The following ZNF292 variants were observed in gnomAD, a reference collection of about 807,000 sequenced individuals.
ZNF292 encodes the protein zinc finger protein 292, also known as 16 zinc-finger domain protein.
A neutral mutation model predicts 217.9 loss-of-function variants in ZNF292; 26 were observed. The observed-to-expected ratio is 0.12, with a 90% CI of 0.09 to 0.17. ZNF292 has a LOEUF of 0.17. ZNF292 is among the 10% of genes least tolerant of loss of function. ZNF292 has a pLI of 1.00. For missense variants in ZNF292, 2,904 were observed against 3,175.2 expected (o/e 0.91, Z 2.05); for synonymous variants, 1,257 against 1,124.1 (o/e 1.12, Z -2.37).
chr6:87,199,652 T>TG (rs1304106699), intron 1 of ZNF292, among the ~76,000 whole-genome samples: 1 of 152,228 alleles, frequency 6.6e-6, no homozygotes, highest in African/African-American at 2.4e-5. Context: ...TTTTTATGCA[T>TG]GTAGATATTC....
At chr6:87,212,380 C>T (rs1003859428) in intron 1 of ZNF292, among the ~76,000 whole-genome samples, 1 of 152,160 alleles carries the variant, frequency 6.6e-6, no homozygotes, top group Non-Finnish European at 1.5e-5. Context: ...TCAATCTCTG[C>T]CCCTTTACCT....
At chr6:87,156,918 A>C (rs1770562959) in intron 1 of ZNF292, among the ~76,000 whole-genome samples, 1 of 152,238 alleles carries the variant, frequency 6.6e-6, no homozygotes, top group African/African-American at 2.4e-5. Flanking sequence ...AGGAAAAAGA[A>C]GACACAATTT....
In ZNF292 at chr6:87,222,974, G is replaced by A. The variant is rs536505855; in HGVS notation, c.538+4243G>A. 5.2e-4 allele frequency: 154 copies of A among 296,452 alleles called. 2 individuals are homozygous for A. The highest frequency in any genetic ancestry group is 4.9e-3 in the South Asian group (151 of 31,040). 18.4% of individuals were successfully genotyped at this position (296,452 alleles called of 1,614,324 possible). ...AGACTGGGGTTATGGGTTTTGAGGA[G>A]GAAGACCAGAAAGGTAAAGTACCAT... On this transcript the variant is annotated intron_variant, in intron 4 of 7. Transcript: ENST00000369577.
At chr6:87,166,411 G>T (rs1376353346) in intron 1 of ZNF292, among the ~76,000 whole-genome samples, 1 of 152,086 alleles carries the variant, frequency 6.6e-6, no homozygotes, top group Non-Finnish European at 1.5e-5. Context: ...TGCTTTCTTT[G>T]AAAAAATAAG....
chr6:87,246,178 C>T (rs1321269406), intron 7 of ZNF292, among the ~76,000 whole-genome samples: 1 of 152,204 alleles, frequency 6.6e-6, no homozygotes, highest in Non-Finnish European at 1.5e-5. Context: ...TTGCAGTGAG[C>T]TGAGATCGTG....
intron 4 of ZNF292, among the ~76,000 whole-genome samples, chr6:87,226,306 G>A (rs1381037686): frequency 6.6e-6 from 1 of 151,976 alleles, no homozygotes; most frequent in Non-Finnish European, 1.5e-5. Context: ...TGGGAAATAA[G>A]CCCTTATTTA....
At chr6:87,194,006 G>A (rs527728126) in intron 1 of ZNF292, among the ~76,000 whole-genome samples, 1 of 152,240 alleles carries the variant, frequency 6.6e-6, no homozygotes, top group Middle Eastern at 3.4e-3. Context: ...TGGAGGAAGA[G>A]GAAAAACAAG....
intron 1 of ZNF292, among the ~76,000 whole-genome samples, chr6:87,158,538 G>A (rs1770620125): frequency 6.6e-6 from 1 of 152,184 alleles, no homozygotes; most frequent in African/African-American, 2.4e-5. Context: ...GCCAGGCGCT[G>A]TGGCGAGTGC....
At chr6:87,157,587 G>T (rs189761767) in intron 1 of ZNF292, among the ~76,000 whole-genome samples, 1 of 152,266 alleles carries the variant, frequency 6.6e-6, no homozygotes, top group Admixed American at 6.5e-5. Flanking sequence ...TTTGTAAGCA[G>T]GATTAATAAT....
At chr6:87,205,396 A>G (rs1027875154) in intron 1 of ZNF292, among the ~76,000 whole-genome samples, 1 of 152,080 alleles carries the variant, frequency 6.6e-6, no homozygotes, top group Non-Finnish European at 1.5e-5. Context: ...TTTTCTATAA[A>G]AATTGTATGA....
rs139537122 is a variant in ZNF292, at chr6:87,227,419, T to A, written c.539-5906T>A. Among the ~76,000 whole-genome samples, 967 of 151,562 alleles carry A rather than the reference T, an allele frequency of 6.4e-3. 13 individuals carry two copies. The highest frequency in any genetic ancestry group is 0.013 in the African/African-American group (532 of 40,928). On this transcript the variant is annotated intron_variant, in intron 4 of 7. Transcript: ENST00000369577. ...CCAACAATGCTGAATTGTGTTTTTTTAAATATATTTTTAATTGTGGTAAAA... is the reference window on the plus strand; with the variant it reads ...CCAACAATGCTGAATTGTGTTTTTTAAAATATATTTTTAATTGTGGTAAAA...
In ZNF292 at chr6:87,259,707, A is replaced by G. The variant is rs1256548219; in HGVS notation, c.6078A>G (p.Arg2026=). 11 of 1,601,806 alleles carry G rather than the reference A, an allele frequency of 6.9e-6. No homozygotes were observed. The highest frequency in any genetic ancestry group is 1.3e-5 in the African/African-American group (1 of 74,806). ...AATCTCAGCCTGCTTTAGAATTGAGAGCAGAGACCCAAAATACCCACAGTA... is the reference window on the plus strand; with the variant it reads ...AATCTCAGCCTGCTTTAGAATTGAGGGCAGAGACCCAAAATACCCACAGTA... ...KKESQPALEL[R]AETQNTHSNV... is the part of the protein sequence containing the mutation. Residue 2026 remains arginine, a synonymous_variant, in exon 8 of 8, where the codon AGA becomes AGG. Transcript: ENST00000369577.
chr6:87,191,105 C>T (rs1249237717), intron 1 of ZNF292, among the ~76,000 whole-genome samples: 1 of 151,852 alleles, frequency 6.6e-6, no homozygotes, highest in Non-Finnish European at 1.5e-5. Context: ...AAATCTTGGT[C>T]ATGATTCCAT....
At chr6:87,173,114 G>A (rs1256071973) in intron 1 of ZNF292, among the ~76,000 whole-genome samples, 2 of 151,818 alleles carry the variant, frequency 1.3e-5, no homozygotes, top group African/African-American at 4.8e-5. Flanking sequence ...AGTGACAGCA[G>A]CTCTTACTTT....
rs774815601 is a variant in ZNF292 at position 87,256,809 on chromosome 6, T to G, written c.3180T>G (p.Leu1060=). The part of the protein sequence containing the change: ...CGDNVKTSSN[L]YNLPLKTLES... ...ATAATGTTAAAACATCATCCAATCT[T>G]TATAATTTACCTCTTAAGACATTAG... The change falls in exon 8 of 8, where the codon CTT becomes CTG. Residue 1060 remains leucine, a synonymous_variant. Coordinates refer to ENST00000369577, the MANE Select transcript of ZNF292 (RefSeq NM_015021.3). 3.7e-6 allele frequency: 6 copies of G among 1,613,414 alleles called. No homozygotes were observed. The highest frequency in any genetic ancestry group is 1.3e-5 in the African/African-American group (1 of 74,918).
rs780722274 is a variant in ZNF292 at position 87,257,856 on chromosome 6, T to C, written c.4227T>C (p.Ala1409=). The part of the protein sequence containing the change: ...YCKPLDGAEI[A]QELLQSNGQP... ...AACCACTGGATGGAGCCGAAATTGC[T>C]CAAGAACTTCTACAGAGTAATGGAC... Residue 1409 remains alanine (A), a synonymous_variant, in exon 8 of 8, where the codon GCT becomes GCC. Transcript: ENST00000369577. The C allele has an allele frequency of 8.3e-5, 134 of 1,613,736 alleles. No individual in the cohort carries two copies. Among genetic ancestry groups the C allele is most frequent in the Non-Finnish European group, 1.1e-4 (129 of 1,179,800 alleles).
chr6:87,247,843 A>T (rs1020640403), intron 7 of ZNF292, among the ~76,000 whole-genome samples: 1 of 152,220 alleles, frequency 6.6e-6, no homozygotes, highest in Non-Finnish European at 1.5e-5. Flanking sequence ...AAGTATCAAA[A>T]TGACCAAGCA....
In ZNF292 at chr6:87,257,994, G is replaced by C. The variant is rs767161284; in HGVS notation, c.4365G>C (p.Gln1455His). ...EACFKDPSFLQLLAENRSPAF... is the reference protein window; with the variant it reads ...EACFKDPSFLHLLAENRSPAF... Reference sequence around the variant, plus strand: ...GTTTTAAAGATCCATCATTTCTACAGCTTCTTGCTGAAAATCGCTCGCCAG... The same window carrying C: ...GTTTTAAAGATCCATCATTTCTACACCTTCTTGCTGAAAATCGCTCGCCAG... Residue 1455 changes from glutamine to histidine, a missense_variant, in exon 8 of 8, where the codon CAG becomes CAC. By Grantham distance (24) the Gln-to-His change is conservative. Transcript: ENST00000369577. The C allele has an allele frequency of 1.2e-6, 2 of 1,613,792 alleles. No homozygotes were observed. Among genetic ancestry groups the C allele is most frequent in the African/African-American group, 2.7e-5 (2 of 74,914 alleles).
At chr6:87,208,980 A>C (rs1772361924) in intron 1 of ZNF292, among the ~76,000 whole-genome samples, 1 of 152,138 alleles carries the variant, frequency 6.6e-6, no homozygotes, top group Non-Finnish European at 1.5e-5. Context: ...AAACTTCTTT[A>C]CTGAGGAAGA....
Sources: allele counts gnomAD v4.1 joint callset (sites outside exome capture counted in the v4.1 genomes callset), GRCh38; gene constraint gnomAD v4.1.1; transcripts MANE v1.5; gene names NCBI Gene and HGNC (gene_info 2026-07-23, HGNC 2026-07-21).